DCUN1D3: variants seen among roughly 807,000 people sequenced by gnomAD.
The protein encoded by DCUN1D3 is defective in cullin neddylation 1 domain containing 3.
In DCUN1D3, 6 loss-of-function variants were observed where a neutral mutation model predicts 24.8. The observed-to-expected ratio is 0.24, with a 90% CI of 0.13 to 0.48. The LOEUF is 0.48. Ranked by LOEUF, DCUN1D3 falls within the 20% of genes least tolerant of loss-of-function variation. The probability of loss-of-function intolerance (pLI) is 0.99; values close to 1 mark genes in which losing one functional copy is unlikely to be tolerated. For missense variants in DCUN1D3, 258 were observed against 379.4 expected (o/e 0.68, Z 2.66); for synonymous variants, 120 against 144.9 (o/e 0.83, Z 1.24).
In DCUN1D3 at chr16:20,856,902, G is replaced by A. The variant is rs1254646890; in HGVS notation, c.*2984C>T. ...CTCAGATGTTGCCGATTTCCAAAGT[G>A]GCGTCCACATCCTGCCCCTCTCCAC... is the stretch of plus-strand genomic sequence containing the variant. On this transcript the variant is annotated 3_prime_UTR_variant, in exon 3 of 3. Coordinates refer to ENST00000324344, the MANE Select transcript of DCUN1D3 (RefSeq NM_173475.4). The A allele has an allele frequency of 6.6e-6, 1 of 152,168 alleles. No individual in the cohort carries two copies. Among genetic ancestry groups the A allele is most frequent in the Non-Finnish European group, 1.5e-5 (1 of 68,040 alleles). 9.4% of individuals were successfully genotyped at this position (152,168 alleles called of 1,614,324 possible). A position where few individuals can be genotyped will look rare whatever the true frequency, so the allele number is the denominator to read the frequency against.
intron 1 of DCUN1D3, among the ~76,000 whole-genome samples, chr16:20,880,604 CAAAAAAAAAAAA>C (rs34275241): frequency 3.9e-5 from 2 of 51,942 alleles, no homozygotes; most frequent in African/African-American, 1.8e-4. Flanking sequence ...GACCCTGTCT[CAAAAAAAAAAAA>C]AAAAAAAAAA....
At position 20,864,617 on chromosome 16, in the gene DCUN1D3, C is replaced by T. The variant is rs556311546; in HGVS notation, c.-105-1974G>A. 6.0e-4 allele frequency among the ~76,000 whole-genome samples: 91 copies of T among 152,246 alleles called. 1 individual carries two copies. The highest frequency in any genetic ancestry group is 2.0e-3 in the African/African-American group (82 of 41,562). The stretch of plus-strand genomic sequence containing the variant: ...AAAGAGCTAAAAGCAGAACTACATT[C>T]GAACTAGCAATCCCATTACTGGGCA... On this transcript the variant is annotated intron_variant, in intron 1 of 2. Coordinates refer to ENST00000324344, the MANE Select transcript of DCUN1D3 (RefSeq NM_173475.4).
intron 1 of DCUN1D3, among the ~76,000 whole-genome samples, chr16:20,872,966 A>C (rs1465266291): frequency 2.6e-5 from 4 of 152,152 alleles, no homozygotes; most frequent in Non-Finnish European, 4.4e-5. Context: ...AAATACAAAA[A>C]TTAGCTGGGC....
chr16:20,859,750 C>T lies in DCUN1D3; in HGVS notation c.*136G>A. 8.4e-7 allele frequency: 1 copy of T among 1,197,140 alleles called. No individual in the cohort carries two copies. Among genetic ancestry groups the T allele is most frequent in the Non-Finnish European group, 1.1e-6 (1 of 884,204 alleles). 74.2% of individuals were successfully genotyped at this position (1,197,140 alleles called of 1,614,324 possible). A position where few individuals can be genotyped will look rare whatever the true frequency, so the allele number is the denominator to read the frequency against. On this transcript the variant is annotated 3_prime_UTR_variant, in exon 3 of 3. Coordinates refer to ENST00000324344, the MANE Select transcript of DCUN1D3 (RefSeq NM_173475.4). ...TAAAACATGATACAGCATTTTAGAG[C>T]CCTTTCAGATACAAGGCAGAGAAAG...
Position 20,865,558 on chromosome 16 carries a change from G to T in DCUN1D3, c.-105-2915C>A, listed in dbSNP as rs145045969. 9.1e-3 allele frequency among the ~76,000 whole-genome samples: 1,381 copies of T among 152,222 alleles called. 17 individuals are homozygous for T. The highest frequency in any genetic ancestry group is 0.032 in the African/African-American group (1,308 of 41,518). On this transcript the variant is annotated intron_variant, in intron 1 of 2. Coordinates refer to ENST00000324344, the MANE Select transcript of DCUN1D3 (RefSeq NM_173475.4). ...TAATAATGGCAGCCACTGAAATTACGTTGTTAATGAAGTGTGGACCAGGAG... is the reference window on the plus strand; with the variant it reads ...TAATAATGGCAGCCACTGAAATTACTTTGTTAATGAAGTGTGGACCAGGAG...
At chr16:20,864,770 G>GA (rs1039929987) in intron 1 of DCUN1D3, among the ~76,000 whole-genome samples, 1 of 152,122 alleles carries the variant, frequency 6.6e-6, no homozygotes, top group African/African-American at 2.4e-5. Flanking sequence ...ATAAGATAAA[G>GA]AAAATGTGGT....
intron 1 of DCUN1D3, among the ~76,000 whole-genome samples, chr16:20,873,173 C>A (rs2081797914): frequency 1.3e-5 from 2 of 151,490 alleles, no homozygotes; most frequent in Non-Finnish European, 2.9e-5. Context: ...GATTCTGGCT[C>A]CAGGGATTTT....
intron 1 of DCUN1D3, among the ~76,000 whole-genome samples, chr16:20,890,014 T>TA (rs1222513846): frequency 1.3e-5 from 2 of 152,270 alleles, no homozygotes; most frequent in South Asian, 2.1e-4. Flanking sequence ...TCCAGGTTGG[T>TA]AAAAGCATTT....
At chr16:20,892,609 T>C (rs977094397) in intron 1 of DCUN1D3, among the ~76,000 whole-genome samples, 5 of 152,216 alleles carry the variant, frequency 3.3e-5, no homozygotes, top group African/African-American at 1.2e-4. Context: ...GTTCTGTCCA[T>C]GGATCCACCT....
At chr16:20,889,848 A>G (rs1423086732) in intron 1 of DCUN1D3, among the ~76,000 whole-genome samples, 1 of 152,184 alleles carries the variant, frequency 6.6e-6, no homozygotes, top group Non-Finnish European at 1.5e-5. Flanking sequence ...CCAAACCAGA[A>G]AGACCAAGCA....
chr16:20,891,268 C>T (rs938259273), intron 1 of DCUN1D3, among the ~76,000 whole-genome samples: 1 of 152,010 alleles, frequency 6.6e-6, no homozygotes, highest in African/African-American at 2.4e-5. Context: ...CTGGGATTAC[C>T]GGCGTGAGCC....
intron 1 of DCUN1D3, among the ~76,000 whole-genome samples, chr16:20,864,117 C>G (rs1443927938): frequency 1.3e-5 from 2 of 152,090 alleles, no homozygotes; most frequent in Admixed American, 6.6e-5. Flanking sequence ...CAAAAATTGA[C>G]AAGTGGGATC....
chr16:20,872,941 C>T (rs996569128), intron 1 of DCUN1D3, among the ~76,000 whole-genome samples: 10 of 152,108 alleles, frequency 6.6e-5, no homozygotes, highest in Non-Finnish European at 1.3e-4. Context: ...CATGGTGAAA[C>T]CCCGTCTCTA....
At chr16:20,890,863 G>A (rs1248640344) in intron 1 of DCUN1D3, among the ~76,000 whole-genome samples, 1 of 151,320 alleles carries the variant, frequency 6.6e-6, no homozygotes, top group East Asian at 1.9e-4. Context: ...TTGCAGGTCG[G>A]CACTAGCAGG....
In DCUN1D3 at chr16:20,887,536, G is replaced by A. The variant is rs183474826; in HGVS notation, c.-106+12668C>T. Among the ~76,000 whole-genome samples, 8 of 152,284 alleles carry A rather than the reference G, an allele frequency of 5.3e-5. No individual in the cohort carries two copies. The East Asian group carries it at 1.5e-3, about 29-fold the overall frequency. ...CTGAGAGGGGATGTGATCTGCCCAA[G>A]GAAAAGCAGCAATGGTGGCAGAGTC... is the stretch of plus-strand genomic sequence containing the variant. On this transcript the variant is annotated intron_variant, in intron 1 of 2. Transcript: ENST00000324344.
In DCUN1D3 at chr16:20,860,300, A is replaced by G; in HGVS notation, c.501T>C (p.Pro167=). 2 of 1,614,212 alleles carry G rather than the reference A, an allele frequency of 1.2e-6. No individual in the cohort carries two copies. The highest frequency in any genetic ancestry group is 1.7e-6 in the Non-Finnish European group (2 of 1,180,024). The change falls in exon 3 of 3, where the codon CCT becomes CCC. Residue 167 remains proline, a synonymous_variant. Transcript: ENST00000324344. This position sits in a 1 kb window ranked among gnomAD's most constrained non-coding sequence, Gnocchi z 4.3. The part of the protein sequence containing the change: ...DSIDGICARF[P]SLLTEAKQED... ...CTTGTTTGGCTTCTGTTAAGAGGCTAGGGAACCGTGCACAGATTCCGTCAA... is the reference window on the plus strand; with the variant it reads ...CTTGTTTGGCTTCTGTTAAGAGGCTGGGGAACCGTGCACAGATTCCGTCAA...
In DCUN1D3 at chr16:20,855,447, T is replaced by C. The variant is rs2081697766; in HGVS notation, c.*4439A>G. 6.6e-6 allele frequency: 1 copy of C among 152,248 alleles called. No individual in the cohort carries two copies. Among genetic ancestry groups the C allele is most frequent in the Non-Finnish European group, 1.5e-5 (1 of 68,074 alleles). The allele number at this position is 152,248 out of a possible 1,614,324, so 9.4% of individuals were successfully genotyped here. ...TTCCTTTGGCAATATCCAAGATTTG[T>C]GTTGAAAGGAGCAGGGAGGTTGGAT... On this transcript the variant is annotated 3_prime_UTR_variant, in exon 3 of 3. Coordinates refer to ENST00000324344, the MANE Select transcript of DCUN1D3 (RefSeq NM_173475.4).
chr16:20,888,073 C>A (rs1176647860), intron 1 of DCUN1D3, among the ~76,000 whole-genome samples: 1 of 152,182 alleles, frequency 6.6e-6, no homozygotes, highest in Admixed American at 6.5e-5. Context: ...TAACTTGTGT[C>A]TACTGTGTGC....
At position 20,882,252 on chromosome 16, in the gene DCUN1D3, A is replaced by ATTTTTTTTTTTTTTTTTTTT. The variant is rs11310580; in HGVS notation, c.-106+17951_-106+17952insAAAAAAAAAAAAAAAAAAAA. 1.5e-5 allele frequency among the ~76,000 whole-genome samples: 2 copies of ATTTTTTTTTTTTTTTTTTTT among 135,516 alleles called. 1 individual carries two copies. The allele number at this position is 135,516 out of a possible 152,430, so 88.9% of individuals were successfully genotyped here. The stretch of plus-strand genomic sequence containing the variant: ...GAGCACCTTCATTTATAACATTGCT[A>ATTTTTTTTTTTTTTTTTTTT]TTTTTTTTTTTTTTTTTGAGATAGA... On this transcript the variant is annotated intron_variant, in intron 1 of 2. Transcript: ENST00000324344.
Sources: allele counts gnomAD v4.1 joint callset (sites outside exome capture counted in the v4.1 genomes callset), GRCh38; gene constraint gnomAD v4.1.1; non-coding constraint Gnocchi (gnomAD v3.1); transcripts MANE v1.5; gene names NCBI Gene and HGNC (gene_info 2026-07-23, HGNC 2026-07-21).